MCTP1: variants seen among roughly 807,000 people sequenced by gnomAD.
The protein encoded by MCTP1 is multiple C2 and transmembrane domain-containing protein 1.
A neutral mutation model predicts 120.6 loss-of-function variants in MCTP1; 69 were observed. That is an observed-to-expected ratio of 0.57 (90% CI 0.47 to 0.70). MCTP1 has a LOEUF of 0.70. Ranked by LOEUF, MCTP1 falls within the 30% of genes least tolerant of loss-of-function variation. The probability of loss-of-function intolerance (pLI) is 0.00; values close to 1 mark genes in which losing one functional copy is unlikely to be tolerated. For missense variants in MCTP1, 1,203 were observed against 1,248.8 expected (o/e 0.96, Z 0.55); for synonymous variants, 529 against 493.1 (o/e 1.07, Z -0.96).
intron 1 of MCTP1, among the ~76,000 whole-genome samples, chr5:95,046,142 C>T (rs1308360351): frequency 6.6e-6 from 1 of 152,118 alleles, no homozygotes; most frequent in African/African-American, 2.4e-5. Flanking sequence ...AACATGCTTC[C>T]CAGCAATCCA....
chr5:95,163,473 C>T (rs891329568), intron 1 of MCTP1, among the ~76,000 whole-genome samples: 1 of 152,206 alleles, frequency 6.6e-6, no homozygotes, highest in Admixed American at 6.5e-5. Flanking sequence ...GAGAAAATCC[C>T]TCCCTGTTTC....
At chr5:94,939,809 C>T (rs891373734) in intron 5 of MCTP1, among the ~76,000 whole-genome samples, 30 of 151,842 alleles carry the variant, frequency 2.0e-4, no homozygotes, top group African/African-American at 7.0e-4. Flanking sequence ...CTAATATTTG[C>T]CTATAATATA....
chr5:95,137,157 A>G (rs527766147), intron 1 of MCTP1, among the ~76,000 whole-genome samples: 6 of 152,166 alleles, frequency 3.9e-5, no homozygotes, highest in Non-Finnish European at 8.8e-5. Context: ...CTAGTGCTGT[A>G]TTTGTTGCTG....
chr5:95,043,334 T>C (rs890295), intron 1 of MCTP1, among the ~76,000 whole-genome samples: 2,536 of 152,288 alleles, frequency 0.017, 71 homozygotes, highest in African/African-American at 0.057. Flanking sequence ...CCTTTTGCAC[T>C]GATCCTCTCA....
intron 1 of MCTP1, among the ~76,000 whole-genome samples, chr5:95,030,429 T>C (rs1400245002): frequency 6.6e-6 from 1 of 152,146 alleles, no homozygotes; most frequent in Admixed American, 6.5e-5. Context: ...TTAGTGCTAG[T>C]CCATGAGATA....
intron 3 of MCTP1, among the ~76,000 whole-genome samples, chr5:94,950,295 T>C (rs1189624293): frequency 6.6e-6 from 1 of 152,156 alleles, no homozygotes; most frequent in Non-Finnish European, 1.5e-5. Context: ...TATAAAAATA[T>C]TTAAAAGTAA....
In MCTP1 at chr5:95,081,514, C is replaced by T. The variant is rs1404779944; in HGVS notation, c.721-64030G>A. On this transcript the variant is annotated intron_variant, in intron 1 of 22. Transcript: ENST00000515393. ...TTAGAAATGAACAAAACATCTTTCACTCCAGTGAGAGAACTGCATATTTAG... is the reference window on the plus strand; with the variant it reads ...TTAGAAATGAACAAAACATCTTTCATTCCAGTGAGAGAACTGCATATTTAG... 3.1e-6 allele frequency: 5 copies of T among 1,599,294 alleles called. No homozygotes were observed. In the Admixed American group the frequency reaches 8.7e-5, roughly 28 times the overall value.
intron 10 of MCTP1, among the ~76,000 whole-genome samples, chr5:94,895,355 G>A (rs891252529): frequency 1.3e-5 from 2 of 152,082 alleles, no homozygotes; most frequent in South Asian, 2.1e-4. Flanking sequence ...TGTATAAACC[G>A]AAATAAAAAC....
At chr5:94,838,561 C>A (rs1561723553) in intron 17 of MCTP1, among the ~76,000 whole-genome samples, 2 of 152,152 alleles carry the variant, frequency 1.3e-5, no homozygotes, top group Non-Finnish European at 2.9e-5. Flanking sequence ...AACTCCCATA[C>A]AATGCACTGG....
intron 1 of MCTP1, among the ~76,000 whole-genome samples, chr5:95,250,683 T>C (rs1757299393): frequency 6.6e-6 from 1 of 152,200 alleles, no homozygotes; most frequent in African/African-American, 2.4e-5. Flanking sequence ...CGTTCTTGAG[T>C]ACAATTTAAA....
At chr5:94,743,313 A>AAT (rs1444612051) in intron 19 of MCTP1, among the ~76,000 whole-genome samples, 1 of 136,514 alleles carries the variant, frequency 7.3e-6, no homozygotes, top group Non-Finnish European at 1.6e-5. Context: ...ATTTCAATTC[A>AAT]ATAAAAAAAA....
At chr5:95,017,328 T>TA in intron 2 of MCTP1, 39 bp downstream of exon 2, 3 of 1,308,470 alleles carry the variant, frequency 2.3e-6, no homozygotes, top group Non-Finnish European at 2.2e-6. Context: ...CATAAACACA[T>TA]AAAAAAGCTT....
intron 19 of MCTP1, among the ~76,000 whole-genome samples, chr5:94,753,808 A>G (rs765571424): frequency 5.3e-5 from 8 of 152,226 alleles, no homozygotes; most frequent in Non-Finnish European, 1.2e-4. Flanking sequence ...TCTTCTAGAA[A>G]TTATACTTCA....
chr5:95,284,366 C>G lies in MCTP1; in HGVS notation c.210G>C (p.Arg70Ser). ...TCCACCTGCTGCCTGCACCACTCCCCCTGGCCGGTGCATTCCCTGTGCCCA... is the reference window on the plus strand; with the variant it reads ...TCCACCTGCTGCCTGCACCACTCCCGCTGGCCGGTGCATTCCCTGTGCCCA... ...PPVGTGNAPA[R>S]GSGAGSRWSG... The change falls in exon 1 of 23, where the codon AGG becomes AGC. Residue 70 changes from arginine (R) to serine (S), a missense_variant. Transcript: ENST00000515393. The surrounding 1 kb of genome is among the most constrained non-coding windows in gnomAD (Gnocchi z 5.2). The G allele has an allele frequency of 6.3e-7, 1 of 1,596,100 alleles. No individual in the cohort carries two copies. Among genetic ancestry groups the G allele is most frequent in the South Asian group, 1.1e-5 (1 of 90,856 alleles).
intron 1 of MCTP1, among the ~76,000 whole-genome samples, chr5:95,134,190 GTTAAGTGTT>G (rs1387213025): frequency 1.3e-5 from 2 of 152,142 alleles, no homozygotes; most frequent in Admixed American, 6.5e-5. Context: ...TTTTTCCAAT[GTTAAGTGTT>G]TTAATCAGTG....
chr5:94,810,082 G>T (rs1244564213), intron 17 of MCTP1, among the ~76,000 whole-genome samples: 1 of 151,876 alleles, frequency 6.6e-6, no homozygotes, highest in Non-Finnish European at 1.5e-5. Context: ...ATTCCTTCCT[G>T]TCTTTCAGGT....
At position 95,009,067 on chromosome 5, in the gene MCTP1, AG is replaced by A. The variant is rs1835378291; in HGVS notation, c.838+8299del. On this transcript the variant is annotated intron_variant, in intron 2 of 22. Coordinates refer to ENST00000515393, the MANE Select transcript of MCTP1 (RefSeq NM_024717.7). Reference sequence around the variant, plus strand: ...GTGAGAGAGGGAGAAAGAGAGAGAGAGAGAGAGAGAGAGAGAGAGAGAGAGA... The same window carrying A: ...GTGAGAGAGGGAGAAAGAGAGAGAGAAGAGAGAGAGAGAGAGAGAGAGAGA... Among the ~76,000 whole-genome samples the A allele has an allele frequency of 1.3e-4, 3 of 23,790 alleles. No individual in the cohort carries two copies. The South Asian group carries it at 3.8e-3, about 30-fold the overall frequency. 15.6% of individuals were successfully genotyped at this position (23,790 alleles called of 152,430 possible).
Position 94,960,141 on chromosome 5 carries a change from A to G in MCTP1, c.839-6780T>C, listed in dbSNP as rs550704230. Among the ~76,000 whole-genome samples the G allele has an allele frequency of 1.2e-3, 188 of 152,348 alleles. 1 individual carries two copies. The highest frequency in any genetic ancestry group is 4.4e-3 in the African/African-American group (183 of 41,582). On this transcript the variant is annotated intron_variant, in intron 2 of 22. Transcript: ENST00000515393. ...CACATCTACAACCATCTGATCCTTG[A>G]GAAACCTGACAAAAACAAGCAATGG...
intron 19 of MCTP1, among the ~76,000 whole-genome samples, chr5:94,747,189 G>A (rs745984030): frequency 6.6e-6 from 1 of 152,078 alleles, no homozygotes; most frequent in Non-Finnish European, 1.5e-5. Context: ...AGCATAGCAC[G>A]ACAGCAGCAA....
Sources: allele counts gnomAD v4.1 joint callset (sites outside exome capture counted in the v4.1 genomes callset), GRCh38; gene constraint gnomAD v4.1.1; non-coding constraint Gnocchi (gnomAD v3.1); transcripts MANE v1.5; gene names NCBI Gene and HGNC (gene_info 2026-07-23, HGNC 2026-07-21).